Variants in HS6ST3 observed in about 807,000 individuals in gnomAD.
The protein encoded by HS6ST3 is heparan-sulfate 6-O-sulfotransferase 3.
In HS6ST3, 12 loss-of-function variants were observed where a neutral mutation model predicts 36.7. That is an observed-to-expected ratio of 0.33 (90% CI 0.21 to 0.53). The LOEUF is 0.53. Ranked by LOEUF, HS6ST3 falls within the 20% of genes least tolerant of loss-of-function variation. HS6ST3 has a pLI of 0.95. For synonymous variants in HS6ST3, 240 were observed against 257.5 expected (o/e 0.93, Z 0.65); for missense variants, 584 against 640.9 (o/e 0.91, Z 0.96).
In HS6ST3 at chr13:96,835,793, G is replaced by T. The variant is rs886959503; in HGVS notation, c.*2595G>T. On this transcript the variant is annotated 3_prime_UTR_variant, in exon 2 of 2. Transcript: ENST00000376705. ...CTTCACGCTGTTCCTTAGGCACCTC[G>T]GGATTGGTATCAAAGGCTTCCACTG... is the stretch of plus-strand genomic sequence containing the variant. 2.0e-5 allele frequency: 3 copies of T among 152,198 alleles called. No individual in the cohort carries two copies. The highest frequency in any genetic ancestry group is 4.4e-5 in the Non-Finnish European group (3 of 68,052). 9.4% of individuals were successfully genotyped at this position (152,198 alleles called of 1,614,324 possible). A position where few individuals can be genotyped will look rare whatever the true frequency, so the allele number is the denominator to read the frequency against.
intron 1 of HS6ST3, among the ~76,000 whole-genome samples, chr13:96,408,353 G>T (rs544325649): frequency 4.7e-4 from 72 of 152,184 alleles, no homozygotes; most frequent in African/African-American, 1.7e-3. Flanking sequence ...AGTGGCAATG[G>T]CTCACAAAAA....
intron 1 of HS6ST3, among the ~76,000 whole-genome samples, chr13:96,414,151 G>T (rs533366619): frequency 1.3e-5 from 2 of 152,194 alleles, no homozygotes; most frequent in Non-Finnish European, 2.9e-5. Context: ...AAGGCTTTAA[G>T]AAATAGGGTA....
At chr13:96,408,683 G>T (rs1288016113) in intron 1 of HS6ST3, among the ~76,000 whole-genome samples, 1 of 152,134 alleles carries the variant, frequency 6.6e-6, no homozygotes, top group Non-Finnish European at 1.5e-5. Flanking sequence ...CAGCACTTTG[G>T]GAGACCGAGG....
intron 1 of HS6ST3, among the ~76,000 whole-genome samples, chr13:96,796,846 A>G (rs1479492426): frequency 1.3e-5 from 2 of 152,074 alleles, no homozygotes; most frequent in African/African-American, 2.4e-5. Context: ...GAGGTGATAG[A>G]GTAGATGAGC....
chr13:96,382,016 G>T (rs559252525), intron 1 of HS6ST3, among the ~76,000 whole-genome samples: 1 of 152,078 alleles, frequency 6.6e-6, no homozygotes, highest in African/African-American at 2.4e-5. Flanking sequence ...AAGAAGGCAC[G>T]GTGGCTCATG....
chr13:96,333,564 C>A (rs11617369), intron 1 of HS6ST3, among the ~76,000 whole-genome samples: 12,708 of 152,156 alleles, frequency 0.084, 578 homozygotes, highest in Middle Eastern at 0.12. Flanking sequence ...CTTTACCCAG[C>A]TGCTGACAAG....
intron 1 of HS6ST3, among the ~76,000 whole-genome samples, chr13:96,510,122 T>A (rs1247581001): frequency 2.7e-5 from 4 of 146,842 alleles, no homozygotes; most frequent in African/African-American, 9.9e-5. Flanking sequence ...TTTTATTTTA[T>A]TTTATTTTAT....
chr13:96,765,588 T>TTCTCTCTCTCTCTCTCTC (rs58979172), intron 1 of HS6ST3, among the ~76,000 whole-genome samples: 19 of 142,706 alleles, frequency 1.3e-4, no homozygotes, highest in South Asian at 4.7e-4. Flanking sequence ...CTCTCTCTCT[T>TTCTCTCTCTCTCTCTCTC]TCTCTCTCTC....
intron 1 of HS6ST3, among the ~76,000 whole-genome samples, chr13:96,781,889 T>C (rs1877537069): frequency 6.6e-6 from 1 of 152,236 alleles, no homozygotes; most frequent in Non-Finnish European, 1.5e-5. Flanking sequence ...ATTGGCATTG[T>C]TATTAGTCGG....
intron 1 of HS6ST3, among the ~76,000 whole-genome samples, chr13:96,628,550 T>C (rs528048083): frequency 6.6e-6 from 1 of 152,186 alleles, no homozygotes; most frequent in Admixed American, 6.5e-5. Context: ...GTTTGCTCAG[T>C]CTATCAATTT....
chr13:96,138,121 T>C (rs1035508129), intron 1 of HS6ST3, among the ~76,000 whole-genome samples: 2 of 152,296 alleles, frequency 1.3e-5, no homozygotes, highest in African/African-American at 2.4e-5. Context: ...TTTTAGTAAA[T>C]TGAGTTTCAG....
chr13:96,747,650 A>G (rs188225986), intron 1 of HS6ST3, among the ~76,000 whole-genome samples: 1 of 152,174 alleles, frequency 6.6e-6, no homozygotes, highest in Admixed American at 6.6e-5. Flanking sequence ...ATTTTTCATA[A>G]TCTAGCTACT....
intron 1 of HS6ST3, among the ~76,000 whole-genome samples, chr13:96,739,219 TTGTGTGTGTGTGTGTGTGTGTGTGTGTG>T (rs3138578): frequency 3.6e-4 from 45 of 126,336 alleles, no homozygotes; most frequent in Admixed American, 1.3e-3. Context: ...CGACATTTGC[TTGTGTGTGTGTGTGTGTGTGTGTGTGTG>T]TGTGTGTGTG....
intron 1 of HS6ST3, among the ~76,000 whole-genome samples, chr13:96,323,784 C>G (rs1015925806): frequency 3.3e-5 from 5 of 152,188 alleles, no homozygotes; most frequent in African/African-American, 1.2e-4. Context: ...TTATAACCAT[C>G]TTACATGCTA....
At chr13:96,359,786 G>T (rs914999181) in intron 1 of HS6ST3, among the ~76,000 whole-genome samples, 3 of 152,290 alleles carry the variant, frequency 2.0e-5, no homozygotes, top group African/African-American at 7.2e-5. Context: ...GGCCTTAGAA[G>T]ATAGGGCAGG....
chr13:96,137,034 A>G (rs2054005793), intron 1 of HS6ST3, among the ~76,000 whole-genome samples: 2 of 152,154 alleles, frequency 1.3e-5, no homozygotes, highest in South Asian at 2.1e-4. Context: ...CCTTAATGAA[A>G]TATAACTAAT....
intron 1 of HS6ST3, among the ~76,000 whole-genome samples, chr13:96,426,433 C>G (rs1029380377): frequency 6.6e-6 from 1 of 152,148 alleles, no homozygotes; most frequent in Admixed American, 6.6e-5. Flanking sequence ...CTCATTGCAG[C>G]TTTCTTGATG....
At chr13:96,799,890 C>T (rs529859395) in intron 1 of HS6ST3, among the ~76,000 whole-genome samples, 2 of 148,218 alleles carry the variant, frequency 1.3e-5, no homozygotes, top group South Asian at 4.3e-4. Flanking sequence ...CAATACAACT[C>T]CCAAAACCCT....
chr13:96,783,612 C>T (rs1459452941), intron 1 of HS6ST3, among the ~76,000 whole-genome samples: 1 of 149,008 alleles, frequency 6.7e-6, no homozygotes, highest in Non-Finnish European at 1.5e-5. Flanking sequence ...AAAATGTCTT[C>T]CAGGGGCTTG....
Sources: allele counts gnomAD v4.1 joint callset (sites outside exome capture counted in the v4.1 genomes callset), GRCh38; gene constraint gnomAD v4.1.1; transcripts MANE v1.5; gene names NCBI Gene and HGNC (gene_info 2026-07-23, HGNC 2026-07-21).